The following PLCZ1 variants were observed in gnomAD, a reference collection of about 807,000 sequenced individuals.
PLCZ1 encodes phospholipase C zeta 1, also known as 1-phosphatidylinositol 4,5-bisphosphate phosphodiesterase zeta-1.
PLCZ1 carries 64 observed loss-of-function variants against 76.8 expected under a neutral mutation model. The observed-to-expected ratio is 0.83, with a 90% CI of 0.68 to 1.03. The LOEUF (loss-of-function observed/expected upper bound fraction) is 1.03, where lower values mean the gene tolerates loss of function less well. Ranked by LOEUF, PLCZ1 falls within the 50% of genes least tolerant of loss-of-function variation. The probability of loss-of-function intolerance (pLI) is 0.00; values close to 1 mark genes in which losing one functional copy is unlikely to be tolerated. For synonymous variants in PLCZ1, 248 were observed against 230.8 expected, an observed-to-expected ratio of 1.07 and a Z score of -0.68; for missense variants, 751 against 713.7, an observed-to-expected ratio of 1.05 and a Z score of -0.60.
At chr12:18,697,554 A>C (rs1390807150) in intron 10 of PLCZ1, among the ~76,000 whole-genome samples, 1 of 152,136 alleles carries the variant, frequency 6.6e-6, no homozygotes, top group Admixed American at 6.6e-5. Context: ...GAAAATAAAC[A>C]TGTTTGTTAT....
intron 5 of PLCZ1, 148 bp from the exon 6 acceptor site, chr12:18,713,134 G>A: frequency 6.8e-6 from 7 of 1,034,942 alleles, no homozygotes; most frequent in Non-Finnish European, 8.5e-6. Context: ...TTTGGGACAA[G>A]TTTTGAGTCT....
chr12:18,737,567 G>T, intron 1 of PLCZ1, 58 bp from the exon 2 acceptor site: 1 of 725,998 alleles, frequency 1.4e-6, no homozygotes, highest in South Asian at 1.5e-5. Context: ...TTTGAAGCTA[G>T]CTCACACTTA....
chr12:18,680,437 T>C (rs1368465236), downstream of PLCZ1, among the ~76,000 whole-genome samples: 1 of 152,004 alleles, frequency 6.6e-6, no homozygotes, highest in Admixed American at 6.6e-5. Flanking sequence ...CTCACACCTC[T>C]TTCAGAGACA....
At chr12:18,713,929 T>G (rs1181425434) in intron 5 of PLCZ1, 2 of 152,244 alleles carry the variant, frequency 1.3e-5, no homozygotes, top group African/African-American at 4.8e-5. Flanking sequence ...GTGTTCATAC[T>G]ACAAGAGAGC....
At chr12:18,645,922 T>A in the PLCZ1 span, among the ~76,000 whole-genome samples, 3 of 152,178 alleles carry the variant, frequency 2.0e-5, no homozygotes, top group East Asian at 5.8e-4. Context: ...TTCCTTTCTG[T>A]TTTCTCTGTA....
chr12:18,723,229 CT>C lies in PLCZ1; in HGVS notation c.367+81del. The C allele has an allele frequency of 2.4e-6, 3 of 1,231,334 alleles. No individual in the cohort carries two copies. The South Asian group carries it at 4.0e-5, about 17-fold the overall frequency. 76.3% of individuals were successfully genotyped at this position (1,231,334 alleles called of 1,614,324 possible). ...TTGATAACCACAATTCATAAAAATACTTTGCTTTGAAATAATTTTTGAAAAA... is the reference window on the plus strand; with the variant it reads ...TTGATAACCACAATTCATAAAAATACTTGCTTTGAAATAATTTTTGAAAAA... On this transcript the variant is annotated intron_variant, in intron 4 of 14. Transcript: ENST00000266505.
chr12:18,720,176 A>T (rs534610568), intron 4 of PLCZ1, among the ~76,000 whole-genome samples: 1 of 152,030 alleles, frequency 6.6e-6, no homozygotes, highest in African/African-American at 2.4e-5. Context: ...TTGTAGTTGC[A>T]TGTAGTTATA....
chr12:18,651,453 A>T, the PLCZ1 span, among the ~76,000 whole-genome samples: 1 of 152,142 alleles, frequency 6.6e-6, no homozygotes, highest in Non-Finnish European at 1.5e-5. Context: ...TTTGCTTATT[A>T]TTTATGCTTT....
At chr12:18,679,321 T>C (rs1226626426), downstream of PLCZ1, among the ~76,000 whole-genome samples, 1 of 152,038 alleles carries the variant, frequency 6.6e-6, no homozygotes, top group Non-Finnish European at 1.5e-5. Context: ...AACTCTATCA[T>C]TTATTTTATG....
intron 3 of PLCZ1, among the ~76,000 whole-genome samples, chr12:18,733,422 T>C (rs1959159722): frequency 6.6e-6 from 1 of 152,212 alleles, no homozygotes; most frequent in Non-Finnish European, 1.5e-5. Flanking sequence ...TGTTGATTGT[T>C]TCCTTTGCTG....
At chr12:18,665,937 A>AG in the PLCZ1 span, among the ~76,000 whole-genome samples, 1 of 151,288 alleles carries the variant, frequency 6.6e-6, no homozygotes, top group African/African-American at 2.4e-5. Context: ...TCCATCTCAA[A>AG]AAAAAAAAAA....
the PLCZ1 span, among the ~76,000 whole-genome samples, chr12:18,676,121 C>T: frequency 6.6e-6 from 1 of 152,044 alleles, no homozygotes; most frequent in Non-Finnish European, 1.5e-5. Flanking sequence ...TAGACATTGC[C>T]ATCTTGGGAC....
the PLCZ1 span, among the ~76,000 whole-genome samples, chr12:18,650,664 A>ATATGTGTGTG: frequency 1.7e-4 from 6 of 35,592 alleles, no homozygotes; most frequent in South Asian, 1.7e-3. Flanking sequence ...TGGAATATAA[A>ATATGTGTGTG]TGTGTGTGTG....
chr12:18,715,945 G>A (rs918997836), intron 5 of PLCZ1: 1 of 152,132 alleles, frequency 6.6e-6, no homozygotes, highest in Non-Finnish European at 1.5e-5. Flanking sequence ...AATATTCATA[G>A]AGAAATCTTG....
chr12:18,647,860 T>C, the PLCZ1 span: 1 of 1,436,734 alleles, frequency 7.0e-7, no homozygotes, highest in Non-Finnish European at 9.3e-7. Context: ...ATTTTCATTA[T>C]TTTCTCCGTT....
chr12:18,651,618 C>T, the PLCZ1 span, among the ~76,000 whole-genome samples: 2 of 152,082 alleles, frequency 1.3e-5, no homozygotes, highest in South Asian at 2.1e-4. Context: ...CACCCAAAGC[C>T]CTCATTCTAG....
intron 11 of PLCZ1, 25 bp downstream of exon 11, chr12:18,696,125 C>A: frequency 8.5e-7 from 1 of 1,178,630 alleles, no homozygotes; most frequent in Non-Finnish European, 1.3e-6. Flanking sequence ...CTTCTGCAAA[C>A]AACTCAATAT....
At chr12:18,696,844 C>T (rs188191450) in intron 10 of PLCZ1, among the ~76,000 whole-genome samples, 103 of 152,214 alleles carry the variant, frequency 6.8e-4, no homozygotes, top group African/African-American at 2.4e-3. Flanking sequence ...TCTGTGTTTA[C>T]ATGTCTCCAT....
downstream of PLCZ1, among the ~76,000 whole-genome samples, chr12:18,682,619 G>A (rs2137028779): frequency 6.6e-6 from 1 of 152,142 alleles, no homozygotes; most frequent in South Asian, 2.1e-4. Flanking sequence ...ATCCAAGCAT[G>A]TAAGTCCACA....
Sources: allele counts gnomAD v4.1 joint callset (sites outside exome capture counted in the v4.1 genomes callset), GRCh38; gene constraint gnomAD v4.1.1; transcripts MANE v1.5; gene names NCBI Gene and HGNC (gene_info 2026-07-23, HGNC 2026-07-21).